The following CCDC83 variants were observed in gnomAD, a reference collection of about 807,000 sequenced individuals.
CCDC83 encodes coiled-coil domain containing 83.
In CCDC83, 54 loss-of-function variants were observed where a neutral mutation model predicts 50.1. The ratio of observed to expected loss-of-function variants is 1.08; its 90% CI spans 0.87 to 1.35. The LOEUF (loss-of-function observed/expected upper bound fraction) is 1.35, where lower values mean the gene tolerates loss of function less well. Ranked by LOEUF, CCDC83 falls within the 40% of genes most tolerant of loss-of-function variation. The pLI is 0.00. For synonymous variants in CCDC83, 161 were observed against 153.3 expected (o/e 1.05, Z -0.37); for missense variants, 518 against 473.9 (o/e 1.09, Z -0.86).
intron 5 of CCDC83, among the ~76,000 whole-genome samples, chr11:85,893,999 G>C (rs1276304590): frequency 6.6e-6 from 1 of 151,632 alleles, no homozygotes; most frequent in Non-Finnish European, 1.5e-5. Context: ...GTAGAATCAG[G>C]GCTCCCACTG....
intron 5 of CCDC83, among the ~76,000 whole-genome samples, chr11:85,889,210 G>C (rs545286405): frequency 1.5e-4 from 23 of 152,310 alleles, no homozygotes; most frequent in African/African-American, 5.3e-4. Context: ...AAAGTTAGCT[G>C]GGTGTGGTGC....
At chr11:85,873,690 A>G (rs1408961328) in intron 3 of CCDC83, among the ~76,000 whole-genome samples, 2 of 152,180 alleles carry the variant, frequency 1.3e-5, no homozygotes, top group African/African-American at 4.8e-5. Context: ...TGTAAATACC[A>G]TTTGAAAAGC....
chr11:85,902,434 C>G (rs2093406514), intron 7 of CCDC83, among the ~76,000 whole-genome samples: 2 of 152,198 alleles, frequency 1.3e-5, no homozygotes, highest in Non-Finnish European at 2.9e-5. Flanking sequence ...AAACAGTATA[C>G]TTCCCAGTAT....
chr11:85,870,371 A>G (rs1005356347), intron 2 of CCDC83, among the ~76,000 whole-genome samples: 1 of 152,220 alleles, frequency 6.6e-6, no homozygotes, highest in African/African-American at 2.4e-5. Context: ...TGCTCTACCC[A>G]TGTAAAGAAG....
chr11:85,912,598 G>A, intron 8 of CCDC83: 1 of 1,085,134 alleles, frequency 9.2e-7, no homozygotes, highest in Non-Finnish European at 1.4e-6. Flanking sequence ...GGTGCTCACT[G>A]TTGCCCAGTA....
rs191467628 is a variant in CCDC83, at chr11:85,916,208, T to C, written c.1055T>C (p.Leu352Pro). The change falls in exon 10 of 11, where the codon CTA (leucine) becomes CCA (proline). Residue 352 changes from leucine to proline, a missense_variant. Transcript: ENST00000342404. Reference protein sequence around the residue: ...EFGDTDMKYLLYEDEKDFKDY... With the variant: ...EFGDTDMKYLPYEDEKDFKDY... Reference sequence around the variant, plus strand: ...GGGGACACTGATATGAAGTACTTACTATATGAGGATGAGAAGGATTTCAAG... The same window carrying C: ...GGGGACACTGATATGAAGTACTTACCATATGAGGATGAGAAGGATTTCAAG... The C allele has an allele frequency of 6.2e-7, 1 of 1,610,094 alleles. No homozygotes were observed. Among genetic ancestry groups the C allele is most frequent in the East Asian group, 2.2e-5 (1 of 44,766 alleles).
intron 3 of CCDC83, among the ~76,000 whole-genome samples, chr11:85,873,933 G>A (rs2093254727): frequency 6.6e-6 from 1 of 152,010 alleles, no homozygotes; most frequent in Non-Finnish European, 1.5e-5. Flanking sequence ...ATTTTATATG[G>A]GCCCTGAAAC....
chr11:85,899,750 C>T (rs2093392137), intron 7 of CCDC83, among the ~76,000 whole-genome samples: 1 of 152,010 alleles, frequency 6.6e-6, no homozygotes, highest in Non-Finnish European at 1.5e-5. Flanking sequence ...ATAATCTGTG[C>T]TTATTAGTTA....
intron 3 of CCDC83, among the ~76,000 whole-genome samples, chr11:85,881,375 C>A (rs533404580): frequency 2.0e-5 from 3 of 149,764 alleles, no homozygotes; most frequent in Admixed American, 1.3e-4. Context: ...TCCATCCCCC[C>A]CCAAAAAAAA....
At chr11:85,881,486 G>C (rs184566358) in intron 3 of CCDC83, among the ~76,000 whole-genome samples, 1 of 152,040 alleles carries the variant, frequency 6.6e-6, no homozygotes, top group Non-Finnish European at 1.5e-5. Context: ...GCAATGGTGC[G>C]ATCATAGCTC....
chr11:85,902,912 C>A (rs750747461), intron 7 of CCDC83, among the ~76,000 whole-genome samples: 6 of 152,070 alleles, frequency 3.9e-5, no homozygotes, highest in African/African-American at 7.2e-5. Context: ...AGGAATACTG[C>A]ATTTTTTATG....
chr11:85,873,232 C>A lies in CCDC83; in HGVS notation c.117C>A (p.Ala39=). The A allele has an allele frequency of 6.5e-7, 1 of 1,544,776 alleles. No individual in the cohort carries two copies. Among genetic ancestry groups the A allele is most frequent in the Non-Finnish European group, 8.8e-7 (1 of 1,140,360 alleles). ...TCAGATGTCAAATAAAGGAAGATGC[C>A]GTGGAGCAATTCATGTTTCAAATAA... ...LDYQCQIKED[A]VEQFMFQIKT... The change falls in exon 3 of 11, where the codon GCC becomes GCA. Residue 39 remains alanine (A), a synonymous_variant. Coordinates refer to ENST00000342404, the MANE Select transcript of CCDC83 (RefSeq NM_001286159.2).
intron 10 of CCDC83, among the ~76,000 whole-genome samples, chr11:85,916,982 G>C (rs1022761849): frequency 6.6e-6 from 1 of 151,648 alleles, no homozygotes; most frequent in African/African-American, 2.4e-5. Flanking sequence ...ATGGTGGTGC[G>C]TGCCTGTAAT....
intron 1 of CCDC83, among the ~76,000 whole-genome samples, chr11:85,856,872 C>T (rs1270797458): frequency 6.6e-6 from 1 of 152,222 alleles, no homozygotes; most frequent in Non-Finnish European, 1.5e-5. Flanking sequence ...ACTATTACCA[C>T]TGAATGGCTT....
At chr11:85,893,786 T>C (rs968004274) in intron 5 of CCDC83, among the ~76,000 whole-genome samples, 1 of 152,202 alleles carries the variant, frequency 6.6e-6, no homozygotes, top group African/African-American at 2.4e-5. Flanking sequence ...TAATGACTAA[T>C]GATCTGTCAC....
chr11:85,887,635 T>C (rs2093333210), intron 5 of CCDC83, among the ~76,000 whole-genome samples: 2 of 151,310 alleles, frequency 1.3e-5, no homozygotes, highest in Admixed American at 1.3e-4. Context: ...CAGTTTCTTA[T>C]TTAGCAGTCA....
At chr11:85,912,831 A>C in intron 8 of CCDC83, 1 of 805,806 alleles carries the variant, frequency 1.2e-6, no homozygotes, top group Non-Finnish European at 2.2e-6. Context: ...GATACCCTCT[A>C]AACTGCCAGA....
Position 85,865,166 on chromosome 11 carries a change from G to A in CCDC83, c.43G>A (p.Gly15Arg), listed in dbSNP as rs142636291. 2.3e-3 allele frequency: 3,744 copies of A among 1,613,048 alleles called. 6 individuals are homozygous for A. The highest frequency in any genetic ancestry group is 2.8e-3 in the Non-Finnish European group (3,324 of 1,179,166). ...GKANKKDTHD[G>R]PPKEIKLPTS... ...AGCAAATAAAAAGGATACACATGACGGGCCACCAAAAGAAATTAAACTGCC... is the reference window on the plus strand; with the variant it reads ...AGCAAATAAAAAGGATACACATGACAGGCCACCAAAAGAAATTAAACTGCC... The change falls in exon 2 of 11, where the codon GGG becomes AGG. Residue 15 changes from glycine (G) to arginine (R), a missense_variant. By Grantham distance (125) the Gly-to-Arg change is moderately radical (BLOSUM62 -2). Coordinates refer to ENST00000342404, the MANE Select transcript of CCDC83 (RefSeq NM_001286159.2).
chr11:85,906,092 G>A (rs1267580587), intron 7 of CCDC83, among the ~76,000 whole-genome samples: 5 of 149,120 alleles, frequency 3.4e-5, no homozygotes, highest in Admixed American at 3.3e-4. Context: ...TTGAGACGGA[G>A]CCTCACTCTG....
Sources: allele counts gnomAD v4.1 joint callset (sites outside exome capture counted in the v4.1 genomes callset), GRCh38; gene constraint gnomAD v4.1.1; transcripts MANE v1.5; gene names NCBI Gene and HGNC (gene_info 2026-07-23, HGNC 2026-07-21).